The following COL21A1 variants were observed in gnomAD, a reference collection of about 807,000 sequenced individuals.
COL21A1 encodes collagen alpha-1(XXI) chain.
In COL21A1, 149 loss-of-function variants were observed where a neutral mutation model predicts 137.9. That is an observed-to-expected ratio of 1.08 (90% CI 0.95 to 1.24). COL21A1 has a LOEUF of 1.24. Among genes scored for constraint, COL21A1 ranks in the 50% most tolerant of loss-of-function variants. The probability of loss-of-function intolerance (pLI) is 0.00; values close to 1 mark genes in which losing one functional copy is unlikely to be tolerated. For missense variants in COL21A1, 1,167 were observed against 1,158.4 expected (o/e 1.01, Z -0.11); for synonymous variants, 456 against 391.5 (o/e 1.16, Z -1.95).
chr6:56,086,898 T>A (rs1477546472), intron 17 of COL21A1, among the ~76,000 whole-genome samples: 1 of 152,124 alleles, frequency 6.6e-6, no homozygotes, highest in Non-Finnish European at 1.5e-5. Context: ...TAATGTCAAT[T>A]TGTTTTCTGG....
intron 1 of COL21A1, among the ~76,000 whole-genome samples, chr6:56,337,946 C>A (rs1406276676): frequency 7.7e-6 from 1 of 130,332 alleles, no homozygotes; most frequent in Non-Finnish European, 1.6e-5. Flanking sequence ...GGGTTTTTTT[C>A]TTTTCTTTTC....
rs149548048 is a variant in COL21A1 at position 56,278,027 on chromosome 6, T to C, written c.-38-95371A>G. 2.6e-5 allele frequency among the ~76,000 whole-genome samples: 4 copies of C among 152,326 alleles called. No individual in the cohort carries two copies. The East Asian group carries it at 7.7e-4, about 29-fold the overall frequency. ...CATAAAATAATGATATTGTTCAAAG[T>C]GGCAAGTTTTTTCCTGCAAATCTGG... On this transcript the variant is annotated intron_variant, in intron 1 of 28. Transcript: ENST00000370819.
At chr6:56,222,930 A>G (rs1444741777) in intron 1 of COL21A1, among the ~76,000 whole-genome samples, 1 of 152,048 alleles carries the variant, frequency 6.6e-6, no homozygotes, top group Admixed American at 6.6e-5. Flanking sequence ...CCATCCTTTT[A>G]CATTTTTTGC....
chr6:56,149,565 C>G (rs1775119410), intron 10 of COL21A1, among the ~76,000 whole-genome samples: 1 of 152,168 alleles, frequency 6.6e-6, no homozygotes, highest in South Asian at 2.1e-4. Context: ...CCTAAAATTT[C>G]TACTTGAATG....
intron 1 of COL21A1, among the ~76,000 whole-genome samples, chr6:56,193,842 C>A (rs768640542): frequency 3.9e-4 from 59 of 152,102 alleles, no homozygotes; most frequent in Middle Eastern, 3.4e-3. Flanking sequence ...GCAGTCTCCA[C>A]CTCCCAGGCT....
intron 1 of COL21A1, among the ~76,000 whole-genome samples, chr6:56,332,984 T>C (rs1327679772): frequency 6.6e-6 from 1 of 152,120 alleles, no homozygotes; most frequent in African/African-American, 2.4e-5. Flanking sequence ...TTTTCCATGT[T>C]GTTTAATTTT....
intron 1 of COL21A1, among the ~76,000 whole-genome samples, chr6:56,355,180 C>G (rs186143927): frequency 1.3e-5 from 2 of 152,310 alleles, no homozygotes; most frequent in Middle Eastern, 3.4e-3. Flanking sequence ...AAGAGACAGT[C>G]ATTACAAAGC....
rs1271168884 is a variant in COL21A1, at chr6:56,159,349, T to TC, written c.1372-2401_1372-2400insG. ...TCTGAATTACATTTTTTTTTTTTTTTTGAGACGGAGTCTTGCTCCGTCACC... is the reference window on the plus strand; with the variant it reads ...TCTGAATTACATTTTTTTTTTTTTTTCTGAGACGGAGTCTTGCTCCGTCACC... On this transcript the variant is annotated intron_variant, in intron 9 of 29. Coordinates refer to ENST00000244728, the MANE Select transcript of COL21A1 (RefSeq NM_030820.4). 1.8e-3 allele frequency among the ~76,000 whole-genome samples: 277 copies of TC among 151,676 alleles called. 1 individual carries two copies. The highest frequency in any genetic ancestry group is 6.4e-3 in the African/African-American group (265 of 41,264).
At chr6:56,244,733 A>C (rs1034795098) in intron 1 of COL21A1, among the ~76,000 whole-genome samples, 1 of 152,200 alleles carries the variant, frequency 6.6e-6, no homozygotes, top group Non-Finnish European at 1.5e-5. Context: ...AAGATGCCAG[A>C]TGAGTCATAA....
At chr6:56,113,570 G>A (rs865983230) in intron 16 of COL21A1, among the ~76,000 whole-genome samples, 3 of 152,112 alleles carry the variant, frequency 2.0e-5, no homozygotes, top group Non-Finnish European at 2.9e-5. Context: ...CGATACCTAC[G>A]TACTACACCA....
chr6:56,158,332 G>C (rs991564164), intron 9 of COL21A1, among the ~76,000 whole-genome samples: 3 of 138,562 alleles, frequency 2.2e-5, no homozygotes, highest in African/African-American at 8.3e-5. Flanking sequence ...GAGTGCAGTG[G>C]TGTGATCACA....
chr6:56,359,139 C>A (rs957934017), intron 1 of COL21A1, among the ~76,000 whole-genome samples: 2 of 152,068 alleles, frequency 1.3e-5, no homozygotes, highest in South Asian at 4.1e-4. Flanking sequence ...CAGATCATTC[C>A]ACACCAAAAT....
chr6:56,305,884 T>C (rs1227201882), intron 1 of COL21A1, among the ~76,000 whole-genome samples: 1 of 151,878 alleles, frequency 6.6e-6, no homozygotes, highest in Non-Finnish European at 1.5e-5. Context: ...GGTTGTTCCT[T>C]CCCATGTTTA....
At chr6:56,141,094 C>G (rs1360309329) in intron 12 of COL21A1, among the ~76,000 whole-genome samples, 1 of 152,162 alleles carries the variant, frequency 6.6e-6, no homozygotes, top group East Asian at 1.9e-4. Context: ...GTGTGTAAAA[C>G]TCAACTAAAG....
At chr6:56,144,796 G>A (rs1774706442) in intron 10 of COL21A1, among the ~76,000 whole-genome samples, 1 of 152,156 alleles carries the variant, frequency 6.6e-6, no homozygotes, top group South Asian at 2.1e-4. Flanking sequence ...ACAGTTAAGT[G>A]GAAAGACGAT....
At chr6:56,269,612 G>A (rs1332520003) in intron 1 of COL21A1, among the ~76,000 whole-genome samples, 14 of 127,898 alleles carry the variant, frequency 1.1e-4, no homozygotes, top group African/African-American at 2.1e-4. Context: ...CCAAGATCCC[G>A]CCACTGCACT....
intron 1 of COL21A1, among the ~76,000 whole-genome samples, chr6:56,281,016 AT>A (rs1763775757): frequency 6.6e-6 from 1 of 152,102 alleles, no homozygotes; most frequent in South Asian, 2.1e-4. Flanking sequence ...AAAAATAAAG[AT>A]AAAAAAAGTA....
At chr6:56,233,805 A>C (rs1781734546) in intron 1 of COL21A1, among the ~76,000 whole-genome samples, 1 of 151,658 alleles carries the variant, frequency 6.6e-6, no homozygotes, top group African/African-American at 2.4e-5. Context: ...TAGAGCAAAA[A>C]AATCCTAAGT....
chr6:56,244,095 G>A (rs1352749257), intron 1 of COL21A1, among the ~76,000 whole-genome samples: 1 of 151,978 alleles, frequency 6.6e-6, no homozygotes, highest in East Asian at 1.9e-4. Context: ...GAACAAAGAG[G>A]GCCCTGAAAA....
Sources: allele counts gnomAD v4.1 joint callset (sites outside exome capture counted in the v4.1 genomes callset), GRCh38; gene constraint gnomAD v4.1.1; transcripts MANE v1.5; gene names NCBI Gene and HGNC (gene_info 2026-07-23, HGNC 2026-07-21).